OCRL: variants seen among roughly 807,000 people sequenced by gnomAD.
The protein encoded by OCRL is OCRL inositol polyphosphate-5-phosphatase.
In OCRL, 8 loss-of-function variants were observed where a neutral mutation model predicts 78.9. The ratio of observed to expected loss-of-function variants is 0.10; its 90% confidence interval spans 0.06 to 0.18. The LOEUF (loss-of-function observed/expected upper bound fraction) is 0.18. OCRL is among the 10% of genes least tolerant of loss of function. OCRL has a pLI of 1.00. For synonymous variants in OCRL, 240 were observed against 235.4 expected (o/e 1.02, Z -0.18); for missense variants, 454 against 696.7 (o/e 0.65, Z 3.92).
intron 18 of OCRL, among the ~76,000 whole-genome samples, chrX:129,583,071 C>T (rs1936465798): frequency 9.0e-6 from 1 of 111,718 alleles, no homozygotes; most frequent in Non-Finnish European, 1.9e-5. Context: ...GCATACTGCC[C>T]CATCACCCAT....
At chrX:129,588,004 T>A (rs777101505) in intron 20 of OCRL, among the ~76,000 whole-genome samples, 175 bp from the exon 21 acceptor site, 1 of 111,925 alleles carries the variant, frequency 8.9e-6, no homozygotes, top group Non-Finnish European at 1.9e-5. Context: ...ACATTTCACA[T>A]GGATTAGAGA....
intron 19 of OCRL, among the ~76,000 whole-genome samples, chrX:129,585,248 T>C (rs1489769119): frequency 8.9e-6 from 1 of 112,310 alleles, no homozygotes; most frequent in Admixed American, 9.4e-5. Context: ...TAGTGGATGG[T>C]GTATATAATC....
intron 18 of OCRL, among the ~76,000 whole-genome samples, chrX:129,577,869 AT>A (rs1936390866): frequency 9.0e-6 from 1 of 111,652 alleles, no homozygotes; most frequent in Non-Finnish European, 1.9e-5. Flanking sequence ...AGATTTTAGT[AT>A]TTCACCTTTT....
chrX:129,566,647 A>G (rs191596817), intron 13 of OCRL, among the ~76,000 whole-genome samples: 1 of 112,397 alleles, frequency 8.9e-6, no homozygotes, highest in Admixed American at 9.4e-5. Flanking sequence ...AGCCTTTTCA[A>G]CCTTCAGACG....
chrX:129,572,519 A>G (rs751525193), intron 15 of OCRL, among the ~76,000 whole-genome samples: 6 of 112,684 alleles, frequency 5.3e-5, no homozygotes, highest in Non-Finnish European at 9.4e-5. Flanking sequence ...ATTCTTGGGC[A>G]TGCTATGATT....
At chrX:129,567,405 G>T (rs1384883493) in intron 14 of OCRL, 42 bp downstream of exon 14, 1 of 963,914 alleles carries the variant, frequency 1.0e-6, no homozygotes, top group Admixed American at 2.2e-5. Context: ...GTTAAGGCTT[G>T]ATCTTATTTC....
chrX:129,565,706 C>T, intron 12 of OCRL, 66 bp from the exon 13 acceptor site: 1 of 852,945 alleles, frequency 1.2e-6, no homozygotes, highest in East Asian at 3.1e-5. Context: ...TTTTTCTTCT[C>T]TCCATCCTTC....
intron 4 of OCRL, among the ~76,000 whole-genome samples, chrX:129,553,595 G>A (rs1467792404): frequency 8.9e-6 from 1 of 112,214 alleles, no homozygotes; most frequent in Non-Finnish European, 1.9e-5. Flanking sequence ...AATTCAAAGT[G>A]AAGGAGGTTT....
intron 4 of OCRL, among the ~76,000 whole-genome samples, chrX:129,555,321 A>G (rs1413914173): frequency 9.0e-6 from 1 of 110,619 alleles, no homozygotes; most frequent in East Asian, 2.8e-4. Flanking sequence ...CTAAATATAC[A>G]AAAAGTAGCC....
intron 22 of OCRL, chrX:129,589,449 C>T: frequency 3.6e-6 from 1 of 278,800 alleles, no homozygotes; most frequent in South Asian, 4.1e-5. Flanking sequence ...TGAGAGGAGT[C>T]CCCATCCATG....
intron 6 of OCRL, 84 bp downstream of exon 6, chrX:129,558,034 T>C (rs1017271997): frequency 6.5e-6 from 4 of 615,032 alleles, no homozygotes; most frequent in Non-Finnish European, 1.1e-5. Context: ...GTGATGTAGA[T>C]TAAAGCTGAT....
chrX:129,552,303 G>A (rs1343635988), intron 4 of OCRL, among the ~76,000 whole-genome samples: 1 of 111,852 alleles, frequency 8.9e-6, no homozygotes, highest in Non-Finnish European at 1.9e-5. Flanking sequence ...GATGAATCTC[G>A]GGTTTCTGAC....
chrX:129,564,615 G>A (rs1261581693), intron 12 of OCRL, among the ~76,000 whole-genome samples: 13 of 110,234 alleles, frequency 1.2e-4, no homozygotes, highest in Admixed American at 6.8e-4. Flanking sequence ...GTAAACTATC[G>A]CAAGAACAAA....
Position 129,588,785 on chromosome X carries a change from G to T in OCRL, c.2342-101G>T, listed in dbSNP as rs1936548912. 1.8e-5 allele frequency: 18 copies of T among 987,621 alleles called. No homozygotes were observed. In the South Asian group the frequency reaches 3.1e-4, roughly 17 times the overall value. The allele number at this position is 987,621 out of a possible 1,213,427, so 81.4% of individuals were successfully genotyped here. On this transcript the variant is annotated intron_variant, in intron 21 of 23. Transcript: ENST00000371113. ...TAGGATCAATGTGCCCTGAATAAGA[G>T]GAGGGAAACAGTCCCTGTAGGAGCT...
intron 4 of OCRL, among the ~76,000 whole-genome samples, chrX:129,551,182 C>T (rs1400071474): frequency 9.0e-6 from 1 of 111,287 alleles, no homozygotes; most frequent in Non-Finnish European, 1.9e-5. Flanking sequence ...TTTGTAAGTG[C>T]AGAATCAGTA....
intron 19 of OCRL, among the ~76,000 whole-genome samples, chrX:129,584,709 T>C (rs1242939046): frequency 8.9e-6 from 1 of 112,079 alleles, no homozygotes; most frequent in Non-Finnish European, 1.9e-5. Context: ...CCAATGACAA[T>C]AAAACCTGAA....
rs949657617 is a variant in OCRL, at chrX:129,590,848, A to G, written c.*578A>G. 5.5e-5 allele frequency: 7 copies of G among 126,170 alleles called. No homozygotes were observed. The highest frequency in any genetic ancestry group is 1.1e-4 in the Non-Finnish European group (7 of 61,590). The allele number at this position is 126,170 out of a possible 1,213,427, so 10.4% of individuals were successfully genotyped here. On this transcript the variant is annotated 3_prime_UTR_variant, in exon 24 of 24. Coordinates refer to ENST00000371113, the MANE Select transcript of OCRL (RefSeq NM_000276.4). ...ACATGCATTTGTGCATTTCTACTAC[A>G]ATGGCATCTTTATGTCTCTGTAACA... is the stretch of plus-strand genomic sequence containing the variant.
chrX:129,585,167 A>G (rs779535930), intron 19 of OCRL, among the ~76,000 whole-genome samples: 11 of 112,763 alleles, frequency 9.8e-5, no homozygotes, highest in Non-Finnish European at 1.9e-4. Flanking sequence ...TTTTCTGTGT[A>G]TGATCTTTCT....
chrX:129,578,739 G>C (rs1027953761), intron 18 of OCRL, among the ~76,000 whole-genome samples: 3 of 111,282 alleles, frequency 2.7e-5, no homozygotes, highest in Non-Finnish European at 5.7e-5. Context: ...TTAGAGGAAT[G>C]AATGGCTCTT....
Sources: gnomAD v4.1 joint callset for allele counts (sites outside exome capture counted in the v4.1 genomes callset) on GRCh38, gnomAD v4.1.1 for gene constraint, MANE v1.5 for transcripts, NCBI Gene and HGNC (gene_info 2026-07-23, HGNC 2026-07-21) for gene names.